Variants in PPHLN1 observed in about 807,000 individuals in gnomAD.
PPHLN1 encodes the protein periphilin-1.
Under a neutral mutation model 51.3 loss-of-function variants are expected in PPHLN1, and 29 were observed. The observed-to-expected ratio is 0.57, with a 90% CI of 0.42 to 0.77. The LOEUF (loss-of-function observed/expected upper bound fraction) is 0.77. Ranked by LOEUF, PPHLN1 falls within the 30% of genes least tolerant of loss-of-function variation. PPHLN1 has a pLI of 0.00. For synonymous variants in PPHLN1, 147 were observed against 147.8 expected (o/e 0.99, Z 0.04); for missense variants, 436 against 438.4 (o/e 0.99, Z 0.05).
chr12:42,338,265 A>G (rs2070988380), intron 2 of PPHLN1, among the ~76,000 whole-genome samples: 1 of 152,174 alleles, frequency 6.6e-6, no homozygotes, highest in African/African-American at 2.4e-5. Flanking sequence ...GAAGATACTT[A>G]AAAGGGTTTT....
chr12:42,424,409 C>G (rs912903580), intron 9 of PPHLN1, among the ~76,000 whole-genome samples: 1 of 152,218 alleles, frequency 6.6e-6, no homozygotes, highest in Non-Finnish European at 1.5e-5. Context: ...CCTCCTTTCC[C>G]CACCTTCCTG....
chr12:42,418,314 A>T (rs968380321), intron 9 of PPHLN1, among the ~76,000 whole-genome samples: 5 of 150,564 alleles, frequency 3.3e-5, no homozygotes, highest in African/African-American at 1.2e-4. Flanking sequence ...TAAAACAAAG[A>T]TGAGCACTGC....
chr12:42,352,119 T>A, intron 3 of PPHLN1, 70 bp downstream of exon 3: 2 of 1,305,454 alleles, frequency 1.5e-6, no homozygotes, highest in Non-Finnish European at 2.0e-6. Flanking sequence ...TTTAAAAATT[T>A]ATGTGACGGC....
chr12:42,360,455 A>ATTGTTTTTTTTTTTTTTTTTT, intron 4 of PPHLN1, among the ~76,000 whole-genome samples: 1 of 111,826 alleles, frequency 8.9e-6, no homozygotes, highest in Admixed American at 1.1e-4. Flanking sequence ...GTGATGCTGA[A>ATTGTTTTTTTTTTTTTTTTTT]TTCTTTTTTT....
chr12:42,378,203 C>G (rs1319252719), intron 5 of PPHLN1, among the ~76,000 whole-genome samples: 2 of 151,184 alleles, frequency 1.3e-5, no homozygotes, highest in Admixed American at 6.6e-5. Flanking sequence ...AAAGTTTGTT[C>G]TGGGAAAACT....
chr12:42,371,471 A>G (rs2075800492), intron 4 of PPHLN1, among the ~76,000 whole-genome samples: 1 of 152,126 alleles, frequency 6.6e-6, no homozygotes, highest in Non-Finnish European at 1.5e-5. Context: ...GTTTGATACT[A>G]TCATTTCTCT....
intron 5 of PPHLN1, among the ~76,000 whole-genome samples, chr12:42,384,566 A>G (rs1394090255): frequency 6.6e-6 from 1 of 152,144 alleles, no homozygotes; most frequent in African/African-American, 2.4e-5. Context: ...TGTCAGCTTT[A>G]TGGATGGAGA....
intron 9 of PPHLN1, among the ~76,000 whole-genome samples, chr12:42,416,238 T>C (rs973367815): frequency 6.6e-6 from 1 of 152,190 alleles, no homozygotes; most frequent in Admixed American, 6.5e-5. Context: ...ACAGCATTTA[T>C]TGCATTGAAT....
intron 9 of PPHLN1, among the ~76,000 whole-genome samples, chr12:42,435,224 G>A (rs752089519): frequency 3.5e-4 from 53 of 152,266 alleles, no homozygotes; most frequent in Middle Eastern, 6.8e-3. Context: ...TTGTGTATGA[G>A]AATTCTATAA....
At chr12:42,382,133 G>A (rs2076807245) in intron 5 of PPHLN1, among the ~76,000 whole-genome samples, 1 of 152,130 alleles carries the variant, frequency 6.6e-6, no homozygotes, top group African/African-American at 2.4e-5. Flanking sequence ...GCAAGAAAGT[G>A]TATTTCTAAA....
chr12:42,430,007 G>T (rs1232009143), intron 9 of PPHLN1, among the ~76,000 whole-genome samples: 1 of 106,872 alleles, frequency 9.4e-6, no homozygotes, highest in African/African-American at 3.6e-5. Context: ...AAAGTGATGT[G>T]TCTTTTTGTA....
In PPHLN1 at chr12:42,427,913, GA is replaced by G. The variant is rs1322963676; in HGVS notation, c.910-13394del. Among the ~76,000 whole-genome samples, 5 of 150,950 alleles carry G rather than the reference GA, an allele frequency of 3.3e-5. No homozygotes were observed. In the East Asian group the frequency reaches 7.8e-4, roughly 23 times the overall value. On this transcript the variant is annotated intron_variant, in intron 9 of 9. Transcript: ENST00000358314. ...ATAACGAACTCAATCAAATCAGCAA[GA>G]AAAAAAACAATCACATCAAAAAGTG...
At chr12:42,431,935 C>G in intron 9 of PPHLN1, 1 of 1,522,614 alleles carries the variant, frequency 6.6e-7, no homozygotes, top group Non-Finnish European at 9.1e-7. Flanking sequence ...CCTCGTATGA[C>G]GATTAGTACT....
In PPHLN1 at chr12:42,393,656, T is replaced by G. The variant is rs1565922536; in HGVS notation, c.735T>G (p.Asp245Glu). 2.5e-6 allele frequency: 4 copies of G among 1,609,634 alleles called. No individual in the cohort carries two copies. The highest frequency in any genetic ancestry group is 2.7e-5 in the African/African-American group (2 of 74,826). ...CTGCTGAAAAGCTAGAGAAATCAGA[T>G]GAAAGTAACTTGCCTGAAATTTCTG... The part of the protein sequence containing the change: ...KWAAEKLEKS[D>E]ESNLPEISEY... Residue 245 changes from aspartate (D) to glutamate (E), a missense_variant, in exon 8 of 10, where the codon GAT (aspartate) becomes GAG (glutamate). By Grantham distance (45) the Asp-to-Glu change is conservative. Coordinates refer to ENST00000358314, the MANE Select transcript of PPHLN1 (RefSeq NM_201439.2).
chr12:42,328,662 C>T (rs368230157), intron 1 of PPHLN1, among the ~76,000 whole-genome samples: 1 of 152,188 alleles, frequency 6.6e-6, no homozygotes, highest in African/African-American at 2.4e-5. Flanking sequence ...ATCCTTAAAG[C>T]GTTGGAAAGT....
At chr12:42,354,575 T>A (rs1044084982) in intron 3 of PPHLN1, among the ~76,000 whole-genome samples, 3 of 152,212 alleles carry the variant, frequency 2.0e-5, no homozygotes, top group Admixed American at 6.5e-5. Context: ...TATGTACCTT[T>A]GCAAATATGT....
Position 42,387,480 on chromosome 12 carries a change from T to C in PPHLN1, c.593T>C (p.Leu198Ser), listed in dbSNP as rs1223434939. The C allele has an allele frequency of 6.2e-7, 1 of 1,613,392 alleles. No homozygotes were observed. Among genetic ancestry groups the C allele is most frequent in the Non-Finnish European group, 8.5e-7 (1 of 1,179,760 alleles). The change falls in exon 7 of 10, where the codon TTG (leucine) becomes TCG (serine). Residue 198 changes from leucine (L) to serine (S), a missense_variant. By Grantham distance (145) the Leu-to-Ser change is moderately radical. Transcript: ENST00000358314. ...ERDKERPVQS[L>S]KTSRDTSPSS... Reference sequence around the variant, plus strand: ...GATAAAGAGAGGCCTGTCCAGTCTTTGAAAACATCAAGAGATACTTCACCC... The same window carrying C: ...GATAAAGAGAGGCCTGTCCAGTCTTCGAAAACATCAAGAGATACTTCACCC...
chr12:42,407,441 CTAAGAG>C lies in PPHLN1; in HGVS notation c.909+8451_909+8456del, dbSNP rs1227542055. Among the ~76,000 whole-genome samples, 9 of 152,290 alleles carry C rather than the reference CTAAGAG, an allele frequency of 5.9e-5. No homozygotes were observed. In the East Asian group the frequency reaches 1.7e-3, roughly 29 times the overall value. On this transcript the variant is annotated intron_variant, in intron 9 of 9. Coordinates refer to ENST00000358314, the MANE Select transcript of PPHLN1 (RefSeq NM_201439.2). ...CATGGCCTCCACTAGAGCTAGTGAC[CTAAGAG>C]TAAAAGAGTGACACCTTAATGCTTT...
chr12:42,378,688 A>G lies in PPHLN1; in HGVS notation c.511+3614A>G, dbSNP rs571608625. Among the ~76,000 whole-genome samples, 809 of 152,128 alleles carry G rather than the reference A, an allele frequency of 5.3e-3. 4 individuals are homozygous for G. Among genetic ancestry groups the G allele is most frequent in the Non-Finnish European group, 6.7e-3 (456 of 67,950 alleles). Reference sequence around the variant, plus strand: ...GGTTTGTCTATAGTGATTTTACTACATTTTTAAATTCAACTGCTTATTTCC... The same window carrying G: ...GGTTTGTCTATAGTGATTTTACTACGTTTTTAAATTCAACTGCTTATTTCC... On this transcript the variant is annotated intron_variant, in intron 5 of 9. Coordinates refer to ENST00000358314, the MANE Select transcript of PPHLN1 (RefSeq NM_201439.2).
Sources: allele counts gnomAD v4.1 joint callset (sites outside exome capture counted in the v4.1 genomes callset), GRCh38; gene constraint gnomAD v4.1.1; transcripts MANE v1.5; gene names NCBI Gene and HGNC (gene_info 2026-07-23, HGNC 2026-07-21).